Variants in ZNF713 observed in about 807,000 individuals in gnomAD.
ZNF713 encodes the protein zinc finger protein 713.
ZNF713 carries 21 observed loss-of-function variants against 28.7 expected under a neutral mutation model. The ratio of observed to expected loss-of-function variants is 0.73; its 90% CI spans 0.52 to 1.05. ZNF713 has a LOEUF of 1.05. ZNF713 is among the 50% of genes least tolerant of loss of function. ZNF713 has a pLI of 0.00. For synonymous variants in ZNF713, 167 were observed against 178.0 expected (o/e 0.94, Z 0.49); for missense variants, 458 against 532.4 (o/e 0.86, Z 1.37).
At position 55,912,654 on chromosome 7, in the gene ZNF713, T is replaced by A; in HGVS notation, c.18T>A (p.Ala6=). 1 of 1,612,274 alleles carries A rather than the reference T, an allele frequency of 6.2e-7. No individual in the cohort carries two copies. The highest frequency in any genetic ancestry group is 8.5e-7 in the Non-Finnish European group (1 of 1,178,858). Residue 6 remains alanine (A), a synonymous_variant, in exon 4 of 7, where the codon GCT becomes GCA. Coordinates refer to ENST00000429591, the MANE Select transcript of ZNF713 (RefSeq NM_182633.3). MPSQN[A]VFSQEGNMEE... ...TCCTAGTTATGCCTTCTCAGAATGC[T>A]GTTTTTTCTCAGGAGGGGAACATGG...
chr7:55,932,789 T>C (rs3862855), intron 6 of ZNF713, among the ~76,000 whole-genome samples: 117,876 of 143,742 alleles, frequency 0.82, 48,620 homozygotes, highest in East Asian at 0.95. Context: ...GAGGCTGAGG[T>C]GGGAGAATGG....
chr7:55,934,512 G>T (rs1464383316), intron 6 of ZNF713, among the ~76,000 whole-genome samples: 1 of 152,100 alleles, frequency 6.6e-6, no homozygotes, highest in Non-Finnish European at 1.5e-5. Context: ...ACTGTTAGGT[G>T]CATTTGGTAG....
chr7:55,893,049 A>AT (rs1562734218), intron 1 of ZNF713, among the ~76,000 whole-genome samples: 1 of 151,430 alleles, frequency 6.6e-6, no homozygotes, highest in Non-Finnish European at 1.5e-5. Flanking sequence ...CGCCCGGCTA[A>AT]TTTTTTTGTA....
At chr7:55,918,942 C>A (rs1311920396) in intron 4 of ZNF713, among the ~76,000 whole-genome samples, 1 of 151,788 alleles carries the variant, frequency 6.6e-6, no homozygotes, top group Non-Finnish European at 1.5e-5. Flanking sequence ...TGCAGTGAGC[C>A]CAGATTGCAC....
chr7:55,888,019 A>G (rs1490941640), intron 1 of ZNF713, among the ~76,000 whole-genome samples: 2 of 151,926 alleles, frequency 1.3e-5, no homozygotes, highest in African/African-American at 4.8e-5. Flanking sequence ...ACCCGTTCCA[A>G]TATTATAAAC....
At chr7:55,917,774 C>G (rs1344672639) in intron 4 of ZNF713, among the ~76,000 whole-genome samples, 2 of 151,478 alleles carry the variant, frequency 1.3e-5, no homozygotes, top group Non-Finnish European at 2.9e-5. Flanking sequence ...ATCTTAAACA[C>G]AGGAAAAGTG....
intron 6 of ZNF713, among the ~76,000 whole-genome samples, chr7:55,931,582 C>T (rs768218668): frequency 6.8e-5 from 10 of 147,186 alleles, no homozygotes; most frequent in Non-Finnish European, 1.5e-4. Context: ...TCTTCTCTCC[C>T]TCCTTCTTTC....
intron 4 of ZNF713, among the ~76,000 whole-genome samples, chr7:55,922,953 G>A (rs557295345): frequency 1.3e-5 from 2 of 152,258 alleles, no homozygotes; most frequent in East Asian, 3.9e-4. Flanking sequence ...ACACTTAAAC[G>A]CAGAAATTAT....
At chr7:55,936,458 G>A (rs1262841200) in intron 6 of ZNF713, among the ~76,000 whole-genome samples, 1 of 152,102 alleles carries the variant, frequency 6.6e-6, no homozygotes, top group Admixed American at 6.6e-5. Context: ...AATTAGTGAT[G>A]ATACTGCCTT....
intron 1 of ZNF713, among the ~76,000 whole-genome samples, chr7:55,891,720 A>G (rs1171385272): frequency 6.6e-6 from 1 of 151,206 alleles, no homozygotes; most frequent in Non-Finnish European, 1.5e-5. Flanking sequence ...AAACAGAAAC[A>G]CATCTGAGTA....
At chr7:55,923,908 TA>T (rs1435846165) in intron 6 of ZNF713, 1 of 378,594 alleles carries the variant, frequency 2.6e-6, no homozygotes, top group Non-Finnish European at 4.9e-6. Flanking sequence ...TATATTGTTT[TA>T]AAAATGCACA....
chr7:55,938,834 C>T, intron 6 of ZNF713, 148 bp from the exon 7 acceptor site: 1 of 756,886 alleles, frequency 1.3e-6, no homozygotes, highest in Non-Finnish European at 2.0e-6. Context: ...TGTGACGTGG[C>T]CACATTGAAA....
In ZNF713 at chr7:55,938,923, C is replaced by G; in HGVS notation, c.308-59C>G. ...ATTCGCTGTGCAACAATTTCTTTTT[C>G]AAATCATAGATAACATGAGAATATT... On this transcript the variant is annotated intron_variant, in intron 6 of 6. Coordinates refer to ENST00000429591, the MANE Select transcript of ZNF713 (RefSeq NM_182633.3). The G allele has an allele frequency of 2.0e-6, 3 of 1,487,786 alleles. No individual in the cohort carries two copies. In the South Asian group the frequency reaches 4.1e-5, roughly 20 times the overall value. 92.2% of individuals were successfully genotyped at this position (1,487,786 alleles called of 1,614,324 possible).
chr7:55,922,575 A>G (rs921668193), intron 4 of ZNF713, among the ~76,000 whole-genome samples: 1 of 151,268 alleles, frequency 6.6e-6, no homozygotes, highest in Non-Finnish European at 1.5e-5. Context: ...CAGCCACCCC[A>G]ACCTTCAGCA....
Position 55,892,728 on chromosome 7 carries a change from C to G in ZNF713, c.-583+5048C>G, listed in dbSNP as rs115774894. On this transcript the variant is annotated intron_variant, in intron 1 of 6. Coordinates refer to ENST00000429591, the MANE Select transcript of ZNF713 (RefSeq NM_182633.3). Reference sequence around the variant, plus strand: ...TCTCTACTGAAGATACAAAATTAGCCGGGCGTGGTGGCGGAAGCCTATAAT... The same window carrying G: ...TCTCTACTGAAGATACAAAATTAGCGGGGCGTGGTGGCGGAAGCCTATAAT... 2.4e-4 allele frequency among the ~76,000 whole-genome samples: 36 copies of G among 151,310 alleles called. 3 individuals are homozygous for G. The highest frequency in any genetic ancestry group is 1.4e-3 in the Admixed American group (22 of 15,208).
At position 55,940,294 on chromosome 7, in the gene ZNF713, T is replaced by A; in HGVS notation, c.*288T>A. The A allele has an allele frequency of 2.0e-6, 1 of 502,436 alleles. No homozygotes were observed. Among genetic ancestry groups the A allele is most frequent in the Non-Finnish European group, 2.7e-6 (1 of 365,340 alleles). The allele number at this position is 502,436 out of a possible 1,614,324, so 31.1% of individuals were successfully genotyped here. ...TGCACCACCACGCCCAGCTAATTTT[T>A]TGTATTTTTAGTAGAGACGGGGTTT... is the stretch of plus-strand genomic sequence containing the variant. On this transcript the variant is annotated 3_prime_UTR_variant, in exon 7 of 7. Coordinates refer to ENST00000429591, the MANE Select transcript of ZNF713 (RefSeq NM_182633.3).
At chr7:55,889,768 C>T (rs1010042824) in intron 1 of ZNF713, among the ~76,000 whole-genome samples, 5 of 152,192 alleles carry the variant, frequency 3.3e-5, no homozygotes, top group African/African-American at 1.2e-4. Flanking sequence ...CTATATAAAT[C>T]TTATGAGTTA....
intron 1 of ZNF713, among the ~76,000 whole-genome samples, chr7:55,887,884 GGCGGGC>G (rs1785304108): frequency 9.0e-6 from 1 of 111,020 alleles, no homozygotes; most frequent in African/African-American, 4.5e-5. Flanking sequence ...CGGCGGCGGC[GGCGGGC>G]GGCGGCGGCG....
At chr7:55,914,901 C>G (rs767178258) in intron 4 of ZNF713, among the ~76,000 whole-genome samples, 1 of 152,202 alleles carries the variant, frequency 6.6e-6, no homozygotes, top group African/African-American at 2.4e-5. Context: ...GTCACCCAGG[C>G]TGGAGTGCAG....
Sources: gnomAD v4.1 joint callset for allele counts (sites outside exome capture counted in the v4.1 genomes callset) on GRCh38, gnomAD v4.1.1 for gene constraint, MANE v1.5 for transcripts, NCBI Gene and HGNC (gene_info 2026-07-23, HGNC 2026-07-21) for gene names.